Variants in TRANK1 observed in about 807,000 individuals in gnomAD.
The protein encoded by TRANK1 is tetratricopeptide repeat and ankyrin repeat containing 1.
TRANK1 carries 198 observed loss-of-function variants against 266.0 expected under a neutral mutation model. The ratio of observed to expected loss-of-function variants is 0.74; its 90% confidence interval spans 0.66 to 0.84. The LOEUF (loss-of-function observed/expected upper bound fraction) is 0.84, where lower values mean the gene tolerates loss of function less well. Among genes scored for constraint, TRANK1 ranks in the 40% least tolerant of loss-of-function variants. TRANK1 has a pLI of 0.00. For synonymous variants in TRANK1, 1,396 were observed against 1,384.1 expected (o/e 1.01, Z -0.19); for missense variants, 3,326 against 3,634.6 (o/e 0.92, Z 2.18).
At chr3:36,864,152 G>T (rs1171435391) in intron 10 of TRANK1, among the ~76,000 whole-genome samples, 167 bp downstream of exon 10, 1 of 152,056 alleles carries the variant, frequency 6.6e-6, no homozygotes. Context: ...GAAGTTCAGG[G>T]GTATGTAATG....
intron 15 of TRANK1, chr3:36,850,679 T>A: frequency 5.4e-6 from 5 of 926,996 alleles, no homozygotes; most frequent in Non-Finnish European, 5.1e-6. Flanking sequence ...GTTGGTGGAG[T>A]GAGACAATGA....
intron 1 of TRANK1, among the ~76,000 whole-genome samples, chr3:36,931,966 T>C (rs2080365964): frequency 6.6e-6 from 1 of 152,140 alleles, no homozygotes; most frequent in South Asian, 2.1e-4. Context: ...TTTACCCTTA[T>C]TGGGAGGGTG....
At chr3:36,903,299 G>C in intron 2 of TRANK1, 24 bp from the exon 3 acceptor site, 1 of 1,533,206 alleles carries the variant, frequency 6.5e-7, no homozygotes, top group Non-Finnish European at 8.7e-7. Flanking sequence ...CCGGTGGTCT[G>C]TCATGGTTCT....
At chr3:36,942,005 C>T (rs1444581048) in intron 1 of TRANK1, among the ~76,000 whole-genome samples, 2 of 152,180 alleles carry the variant, frequency 1.3e-5, no homozygotes, top group Non-Finnish European at 2.9e-5. Context: ...GAGGCCCACA[C>T]CTCAACCTCC....
At chr3:36,917,680 TG>T (rs1316852873) in intron 1 of TRANK1, among the ~76,000 whole-genome samples, 1 of 152,216 alleles carries the variant, frequency 6.6e-6, no homozygotes, top group Non-Finnish European at 1.5e-5. Flanking sequence ...TTAGTAAACT[TG>T]GGGCTACCTC....
intron 20 of TRANK1, among the ~76,000 whole-genome samples, chr3:36,836,788 TCCA>T (rs200600858): frequency 6.6e-6 from 1 of 152,176 alleles, no homozygotes; most frequent in East Asian, 1.9e-4. Context: ...TCCCACCACT[TCCA>T]CCACCACCAT....
chr3:36,908,470 G>T lies in TRANK1; in HGVS notation c.24-16C>A. On this transcript the variant is annotated splice_polypyrimidine_tract_variant and intron_variant, in intron 1 of 23. Coordinates refer to ENST00000645898, the MANE Select transcript of TRANK1 (RefSeq NM_001329998.2). Reference sequence around the variant, plus strand: ...CAGGTCCATCCTGTGAGGAGACGGGGGAGACGCTTGCTGCCAGACCCGTGC... The same window carrying T: ...CAGGTCCATCCTGTGAGGAGACGGGTGAGACGCTTGCTGCCAGACCCGTGC... The T allele has an allele frequency of 8.1e-7, 1 of 1,232,192 alleles. No individual in the cohort carries two copies. The highest frequency in any genetic ancestry group is 1.0e-6 in the Non-Finnish European group (1 of 987,990). The allele number at this position is 1,232,192 out of a possible 1,614,324, so 76.3% of individuals were successfully genotyped here.
intron 1 of TRANK1, among the ~76,000 whole-genome samples, chr3:36,943,281 A>G (rs182334711): frequency 1.1e-3 from 167 of 152,242 alleles, no homozygotes; most frequent in African/African-American, 3.8e-3. Context: ...TCTTGCTGCA[A>G]TTTTACATGT....
At chr3:36,851,438 T>G in intron 15 of TRANK1, 1 of 1,152,470 alleles carries the variant, frequency 8.7e-7, no homozygotes, top group Non-Finnish European at 1.1e-6. Context: ...AGGATAACAG[T>G]GGCTAATGAG....
chr3:36,835,790 C>T (rs1025606299), intron 20 of TRANK1, among the ~76,000 whole-genome samples: 4 of 152,170 alleles, frequency 2.6e-5, no homozygotes, highest in African/African-American at 4.8e-5. Flanking sequence ...GTGGGTAATG[C>T]AACCAAGGAA....
intron 6 of TRANK1, 43 bp downstream of exon 6, chr3:36,892,852 CATATAT>C (rs60833390): frequency 1.2e-5 from 7 of 580,882 alleles, no homozygotes; most frequent in East Asian, 6.5e-5. Flanking sequence ...CAAAACAAAA[CATATAT>C]ATATATATAT....
chr3:36,926,163 T>C (rs2080285884), intron 1 of TRANK1, among the ~76,000 whole-genome samples: 1 of 152,334 alleles, frequency 6.6e-6, no homozygotes, highest in South Asian at 2.1e-4. Flanking sequence ...TTTACAGCCC[T>C]TCTTCTTTCC....
At chr3:36,942,040 T>C (rs1466240907) in intron 1 of TRANK1, among the ~76,000 whole-genome samples, 1 of 152,172 alleles carries the variant, frequency 6.6e-6, no homozygotes, top group Non-Finnish European at 1.5e-5. Context: ...AATCCTCCTC[T>C]TCAGATCACT....
chr3:36,849,618 A>T (rs1044501298), intron 15 of TRANK1, among the ~76,000 whole-genome samples: 3 of 152,332 alleles, frequency 2.0e-5, no homozygotes, highest in Middle Eastern at 3.4e-3. Context: ...CAGTTCCCCA[A>T]GTTCAAATAG....
chr3:36,931,543 A>G (rs1181581874), intron 1 of TRANK1, among the ~76,000 whole-genome samples: 1 of 151,910 alleles, frequency 6.6e-6, no homozygotes, highest in Non-Finnish European at 1.5e-5. Flanking sequence ...CATCTCTACA[A>G]AAAATGCAAA....
Position 36,879,741 on chromosome 3 carries a change from CAAATATAT to C in TRANK1, c.908-5453_908-5446del, listed in dbSNP as rs1254895710. 1.6e-4 allele frequency among the ~76,000 whole-genome samples: 8 copies of C among 50,210 alleles called. 1 individual carries two copies. The highest frequency in any genetic ancestry group is 5.4e-4 in the South Asian group (1 of 1,866). 32.9% of individuals were successfully genotyped at this position (50,210 alleles called of 152,430 possible). ...AAATATATAAATATATATAAATATA[CAAATATAT>C]AAATATATATAAATATATATAAATA... On this transcript the variant is annotated intron_variant, in intron 8 of 23. Coordinates refer to ENST00000645898, the MANE Select transcript of TRANK1 (RefSeq NM_001329998.2).
intron 8 of TRANK1, among the ~76,000 whole-genome samples, chr3:36,884,871 T>A (rs1325850079): frequency 6.7e-6 from 1 of 148,458 alleles, no homozygotes; most frequent in Admixed American, 6.8e-5. Context: ...AGGCGGAGGC[T>A]GCAGTGAGCT....
chr3:36,855,266 G>A lies in TRANK1; in HGVS notation c.4456C>T (p.His1486Tyr), dbSNP rs1256707991. 1.2e-6 allele frequency: 2 copies of A among 1,614,064 alleles called. No homozygotes were observed. The highest frequency in any genetic ancestry group is 1.7e-6 in the Non-Finnish European group (2 of 1,179,892). ...FRFSDLRSLF[H>Y]YASRNTIDKQ... is the part of the protein sequence containing the mutation. ...TCTATGGTGTTTCTGCTGGCATAAT[G>A]GAACAGAGAGCGCAGATCGCTGAAG... Residue 1486 changes from histidine (H) to tyrosine (Y), a missense_variant, in exon 13 of 24, where the codon CAT becomes TAT. By Grantham distance (83) the His-to-Tyr change is moderately conservative. Coordinates refer to ENST00000645898, the MANE Select transcript of TRANK1 (RefSeq NM_001329998.2).
At chr3:36,897,898 C>G (rs1207015567) in intron 4 of TRANK1, among the ~76,000 whole-genome samples, 2 of 152,182 alleles carry the variant, frequency 1.3e-5, no homozygotes, top group African/African-American at 4.8e-5. Context: ...TCTGGTTTTG[C>G]CTGATCTGGG....
Sources: allele counts gnomAD v4.1 joint callset (sites outside exome capture counted in the v4.1 genomes callset), GRCh38; gene constraint gnomAD v4.1.1; transcripts MANE v1.5; gene names NCBI Gene and HGNC (gene_info 2026-07-23, HGNC 2026-07-21).